Variants in WDR47 observed in about 807,000 individuals in gnomAD.
WDR47 encodes the protein WD repeat domain 47.
A neutral mutation model predicts 97.2 loss-of-function variants in WDR47; 32 were observed. The ratio of observed to expected loss-of-function variants is 0.33; its 90% confidence interval spans 0.25 to 0.44. The LOEUF (loss-of-function observed/expected upper bound fraction) is 0.44. WDR47 is among the 20% of genes least tolerant of loss of function. The pLI, the probability that WDR47 is intolerant of heterozygous loss-of-function variation, is 1.00. For synonymous variants in WDR47, 375 were observed against 373.5 expected, an observed-to-expected ratio of 1.00 and a Z score of -0.05; for missense variants, 782 against 1,102.3, an observed-to-expected ratio of 0.71 and a Z score of 4.11.
Position 109,013,881 on chromosome 1 carries a change from C to T in WDR47, c.287G>A (p.Cys96Tyr), listed in dbSNP as rs768339043. The T allele has an allele frequency of 1.2e-6, 2 of 1,613,038 alleles. No individual in the cohort carries two copies. The highest frequency in any genetic ancestry group is 2.2e-5 in the East Asian group (1 of 44,870). The change falls in exon 4 of 15, where the codon TGT becomes TAT. Residue 96 changes from cysteine (C) to tyrosine (Y), a missense_variant. This residue lies in a region of WDR47 where 428 missense variants were observed against 584.3 expected (regional missense o/e 0.73). Coordinates refer to ENST00000369962, the MANE Select transcript of WDR47 (RefSeq NM_001142551.2). Reference protein sequence around the residue: ...ILKQKFLEALCVNNAMSAEDE... With the variant: ...ILKQKFLEALYVNNAMSAEDE... ...TTCTGCTGACATCGCGTTGTTAACA[C>T]ATAAAGCTTCTAAAAACTTCTGCTT... is the stretch of plus-strand genomic sequence containing the variant.
intron 9 of WDR47, among the ~76,000 whole-genome samples, chr1:108,988,546 G>A (rs958103680): frequency 2.0e-5 from 3 of 151,912 alleles, no homozygotes; most frequent in African/African-American, 7.3e-5. Context: ...GCCGGGTGTG[G>A]TGGCGCATGC....
rs941526407 is a variant in WDR47, at chr1:109,029,427, A to C, written c.-9-5906T>G. On this transcript the variant is annotated intron_variant, in intron 1 of 14. Coordinates refer to ENST00000369962, the MANE Select transcript of WDR47 (RefSeq NM_001142551.2). ...ATAATCCCAGCACTTTGGGAGGCTGAGGCTGGTGGATAACCTGAGGTCAGG... is the reference window on the plus strand; with the variant it reads ...ATAATCCCAGCACTTTGGGAGGCTGCGGCTGGTGGATAACCTGAGGTCAGG... 3.0e-4 allele frequency among the ~76,000 whole-genome samples: 45 copies of C among 152,236 alleles called. 1 individual carries two copies. The highest frequency in any genetic ancestry group is 5.4e-4 in the Non-Finnish European group (37 of 68,024).
rs1403864588 is a variant in WDR47 at position 108,971,341 on chromosome 1, G to A, written c.*89C>T. 6.4e-6 allele frequency: 10 copies of A among 1,555,192 alleles called. No homozygotes were observed. Among genetic ancestry groups the A allele is most frequent in the Non-Finnish European group, 8.8e-6 (10 of 1,142,790 alleles). ...CTCTTCGTGCTAAACCACTTTCCTGGACACTATGTTCTTCAGATTTGTAAT... is the reference window on the plus strand; with the variant it reads ...CTCTTCGTGCTAAACCACTTTCCTGAACACTATGTTCTTCAGATTTGTAAT... On this transcript the variant is annotated 3_prime_UTR_variant, in exon 15 of 15. Coordinates refer to ENST00000369962, the MANE Select transcript of WDR47 (RefSeq NM_001142551.2).
At chr1:108,993,462 A>C (rs530373957) in intron 8 of WDR47, among the ~76,000 whole-genome samples, 2 of 151,980 alleles carry the variant, frequency 1.3e-5, no homozygotes, top group East Asian at 3.9e-4. Flanking sequence ...ACCCAGCTAT[A>C]CTAACAAAAA....
At chr1:108,979,911 G>A (rs569562928) in intron 13 of WDR47, among the ~76,000 whole-genome samples, 19 of 152,234 alleles carry the variant, frequency 1.2e-4, no homozygotes, top group South Asian at 1.2e-3. Flanking sequence ...GTTAGGCACC[G>A]GGCCACACAG....
chr1:108,995,987 T>A, intron 7 of WDR47, 150 bp from the exon 8 acceptor site: 1 of 789,984 alleles, frequency 1.3e-6, no homozygotes, highest in Non-Finnish European at 2.0e-6. Context: ...ACCATCAACT[T>A]AAGACATAAC....
At chr1:108,980,486 T>A (rs930734107) in intron 13 of WDR47, among the ~76,000 whole-genome samples, 2 of 152,078 alleles carry the variant, frequency 1.3e-5, no homozygotes, top group Admixed American at 6.6e-5. Context: ...CCCAGCACTT[T>A]GGGAGGTGGA....
At chr1:108,972,547 G>A (rs139242870) in intron 14 of WDR47, among the ~76,000 whole-genome samples, 53 of 152,280 alleles carry the variant, frequency 3.5e-4, no homozygotes, top group Admixed American at 5.9e-4. Flanking sequence ...TAATGGGGGA[G>A]GCAGGCTATG....
At chr1:109,002,450 G>A in intron 6 of WDR47, 48 bp from the exon 7 acceptor site, 4 of 1,375,690 alleles carry the variant, frequency 2.9e-6, no homozygotes, top group Non-Finnish European at 2.9e-6. Flanking sequence ...AACTATGACA[G>A]AATATATCTT....
chr1:109,004,444 G>C, intron 6 of WDR47, 148 bp downstream of exon 6: 2 of 992,522 alleles, frequency 2.0e-6, no homozygotes, highest in Non-Finnish European at 2.7e-6. Context: ...GTTGAAGAGA[G>C]GAGAGAAAAT....
At chr1:109,025,672 T>C (rs1662163693) in intron 1 of WDR47, among the ~76,000 whole-genome samples, 1 of 151,796 alleles carries the variant, frequency 6.6e-6, no homozygotes, top group African/African-American at 2.4e-5. Flanking sequence ...AGGCGGAGGT[T>C]GCAGTGAGCC....
At chr1:109,007,910 T>C (rs1383291301) in intron 5 of WDR47, among the ~76,000 whole-genome samples, 1 of 152,042 alleles carries the variant, frequency 6.6e-6, no homozygotes, top group Non-Finnish European at 1.5e-5. Context: ...GAGACCAGCC[T>C]GGCCAAGATG....
intron 13 of WDR47, 132 bp downstream of exon 13, chr1:108,981,601 G>T: frequency 1.1e-6 from 1 of 896,396 alleles, no homozygotes; most frequent in Non-Finnish European, 1.6e-6. Context: ...TGAAAGAACT[G>T]AAAGTAACTA....
intron 5 of WDR47, among the ~76,000 whole-genome samples, chr1:109,006,711 A>C (rs1018582005): frequency 2.0e-5 from 3 of 152,176 alleles, no homozygotes; most frequent in African/African-American, 7.2e-5. Flanking sequence ...TTGAACTTGA[A>C]CTCAGGTCAT....
Position 109,002,351 on chromosome 1 carries a change from A to C in WDR47, c.1306T>G (p.Tyr436Asp). 6.2e-7 allele frequency: 1 copy of C among 1,611,844 alleles called. No homozygotes were observed. Among genetic ancestry groups the C allele is most frequent in the Non-Finnish European group, 8.5e-7 (1 of 1,179,584 alleles). ...TCCTTCTGTTCTAAATGCTGTTGAT[A>C]GCGTAATCTTTGCCTATAATATTCT... Reference protein sequence around the residue: ...FQEYYRQRLRYQQHLEQKEQQ... With the variant: ...FQEYYRQRLRDQQHLEQKEQQ... Residue 436 changes from tyrosine to aspartate, a missense_variant, in exon 7 of 15, where the codon TAT becomes GAT. Coordinates refer to ENST00000369962, the MANE Select transcript of WDR47 (RefSeq NM_001142551.2).
chr1:109,040,698 ATCT>A (rs1203774968), intron 1 of WDR47, among the ~76,000 whole-genome samples: 8 of 152,276 alleles, frequency 5.3e-5, no homozygotes, highest in South Asian at 2.1e-4. Context: ...TATTCATTTC[ATCT>A]TCTTCCTAAA....
chr1:108,976,612 A>T (rs1657918905), intron 13 of WDR47, among the ~76,000 whole-genome samples: 1 of 152,244 alleles, frequency 6.6e-6, no homozygotes. Flanking sequence ...GGAGGTAAGC[A>T]CTAAACAAGT....
rs1447602409 is a variant in WDR47, at chr1:109,030,647, T to C, written c.-9-7126A>G. On this transcript the variant is annotated intron_variant, in intron 1 of 14. Coordinates refer to ENST00000369962, the MANE Select transcript of WDR47 (RefSeq NM_001142551.2). ...CAGAGTGCCTAACATGGAACAATAG[T>C]GCTTTACAACAGAACTTCACAAACA... is the stretch of plus-strand genomic sequence containing the variant. 4.4e-5 allele frequency among the ~76,000 whole-genome samples: 4 copies of C among 90,136 alleles called. 1 individual carries two copies. Among genetic ancestry groups the C allele is most frequent in the South Asian group, 6.7e-4 (2 of 2,996 alleles). The allele number at this position is 90,136 out of a possible 152,430, so 59.1% of individuals were successfully genotyped here.
At chr1:109,020,451 G>A (rs911777519) in intron 2 of WDR47, among the ~76,000 whole-genome samples, 1 of 151,836 alleles carries the variant, frequency 6.6e-6, no homozygotes, top group Non-Finnish European at 1.5e-5. Flanking sequence ...TAGTAGAGAC[G>A]GGGGGTTTCA....
Sources: allele counts gnomAD v4.1 joint callset (sites outside exome capture counted in the v4.1 genomes callset), GRCh38; gene constraint gnomAD v4.1.1; regional missense constraint gnomAD v4.1.1; transcripts MANE v1.5; gene names NCBI Gene and HGNC (gene_info 2026-07-23, HGNC 2026-07-21).